The following PSME3 variants were observed in gnomAD, a reference collection of about 807,000 sequenced individuals.
PSME3 encodes the protein proteasome activator complex subunit 3.
A neutral mutation model predicts 38.3 loss-of-function variants in PSME3; 7 were observed. That is an observed-to-expected ratio of 0.18 (90% CI 0.10 to 0.34). The LOEUF (loss-of-function observed/expected upper bound fraction) is 0.34. Ranked by LOEUF, PSME3 falls within the 10% of genes least tolerant of loss-of-function variation. PSME3 has a pLI of 1.00. For missense variants in PSME3, 192 were observed against 307.6 expected (o/e 0.62, Z 2.81); for synonymous variants, 108 against 105.7 (o/e 1.02, Z -0.13).
Position 42,839,324 on chromosome 17 carries a change from G to A in PSME3, c.628G>A (p.Asp210Asn). The A allele has an allele frequency of 6.2e-7, 1 of 1,613,862 alleles. No individual in the cohort carries two copies. Reference sequence around the variant, plus strand: ...CTATCGCCGCACCGTGACAGAGATTGATGAGAAAGAATATATCAGCCTTCG... The same window carrying A: ...CTATCGCCGCACCGTGACAGAGATTAATGAGAAAGAATATATCAGCCTTCG... ...EDYRRTVTEIDEKEYISLRLI... is the reference protein window; with the variant it reads ...EDYRRTVTEINEKEYISLRLI... The change falls in exon 10 of 11, where the codon GAT becomes AAT. Residue 210 changes from aspartate to asparagine, a missense_variant. Asp to Asn is a conservative substitution (Grantham distance 23). Transcript: ENST00000590720.
rs996738869 is a variant in PSME3 at position 42,843,318 on chromosome 17, C to A, written c.*1740C>A. 6.5e-6 allele frequency: 1 copy of A among 152,782 alleles called. No individual in the cohort carries two copies. Among genetic ancestry groups the A allele is most frequent in the Non-Finnish European group, 1.5e-5 (1 of 68,050 alleles). The allele number at this position is 152,782 out of a possible 1,614,324, so 9.5% of individuals were successfully genotyped here. ...ATATGTGTGCACGCTTGGACACCCACCTCCATGGACACCTAGCCACCCTGT... is the reference window on the plus strand; with the variant it reads ...ATATGTGTGCACGCTTGGACACCCAACTCCATGGACACCTAGCCACCCTGT... On this transcript the variant is annotated 3_prime_UTR_variant, in exon 11 of 11. Coordinates refer to ENST00000590720, the MANE Select transcript of PSME3 (RefSeq NM_005789.4).
chr17:42,833,860 A>G, intron 1 of PSME3, 187 bp downstream of exon 1: 1 of 1,495,642 alleles, frequency 6.7e-7, no homozygotes, highest in Non-Finnish European at 8.9e-7. Context: ...GGCTTTCTGT[A>G]CCGCGTCTGA....
At chr17:42,833,846 G>C in intron 1 of PSME3, 173 bp downstream of exon 1, 1 of 1,521,980 alleles carries the variant, frequency 6.6e-7, no homozygotes, top group South Asian at 1.2e-5. Flanking sequence ...GGAAAATATA[G>C]GATGGCTTTC....
At chr17:42,837,818 A>G (rs181638928) in intron 5 of PSME3, 121 bp downstream of exon 5, 2 of 1,171,684 alleles carry the variant, frequency 1.7e-6, no homozygotes, top group Non-Finnish European at 2.5e-6. Flanking sequence ...TCCCAGAGGT[A>G]GCATTCCCAG....
intron 4 of PSME3, among the ~76,000 whole-genome samples, chr17:42,835,783 A>G (rs1414222059): frequency 6.6e-6 from 1 of 152,020 alleles, no homozygotes; most frequent in Admixed American, 6.5e-5. Flanking sequence ...ATGGCTCTGA[A>G]CAAGACTTTG....
At chr17:42,836,019 TC>T (rs1448172615) in intron 4 of PSME3, among the ~76,000 whole-genome samples, 6 of 149,850 alleles carry the variant, frequency 4.0e-5, no homozygotes, top group African/African-American at 4.9e-5. Flanking sequence ...TTTTTTTTTT[TC>T]CTTGAGACAG....
rs542157635 is a variant in PSME3, at chr17:42,840,166, G to A, written c.684+786G>A. On this transcript the variant is annotated intron_variant, in intron 10 of 10. Coordinates refer to ENST00000590720, the MANE Select transcript of PSME3 (RefSeq NM_005789.4). The stretch of plus-strand genomic sequence containing the variant: ...GGCGTGGCGGCACATGCCTTTAATC[G>A]TAGCTACTGAGGAGGCTGAGGCGGG... 1.4e-3 allele frequency among the ~76,000 whole-genome samples: 210 copies of A among 148,496 alleles called. 2 individuals carry two copies. Among genetic ancestry groups the A allele is most frequent in the Non-Finnish European group, 2.4e-3 (165 of 67,396 alleles).
chr17:42,842,924 A>G lies in PSME3; in HGVS notation c.*1346A>G, dbSNP rs2055552377. 6.5e-6 allele frequency: 1 copy of G among 152,682 alleles called. No individual in the cohort carries two copies. The highest frequency in any genetic ancestry group is 1.5e-5 in the Non-Finnish European group (1 of 68,018). 9.5% of individuals were successfully genotyped at this position (152,682 alleles called of 1,614,324 possible). A position where few individuals can be genotyped will look rare whatever the true frequency, so the allele number is the denominator to read the frequency against. On this transcript the variant is annotated 3_prime_UTR_variant, in exon 11 of 11. Coordinates refer to ENST00000590720, the MANE Select transcript of PSME3 (RefSeq NM_005789.4). ...TCCTGTCTCTGTCTTCCAACCCCCA[A>G]TAATATTTCCACCGGGGATGCATCA...
intron 6 of PSME3, 79 bp from the exon 7 acceptor site, chr17:42,838,652 C>T: frequency 7.4e-7 from 1 of 1,347,636 alleles, no homozygotes; most frequent in Non-Finnish European, 1.1e-6. Context: ...TTCCTGGCAT[C>T]TGGCTCCAGC....
rs987642530 is a variant in PSME3 at position 42,841,783 on chromosome 17, T to G, written c.*205T>G. 10 of 432,698 alleles carry G rather than the reference T, an allele frequency of 2.3e-5. No homozygotes were observed. Among genetic ancestry groups the G allele is most frequent in the African/African-American group, 2.0e-4 (10 of 48,878 alleles). 26.8% of individuals were successfully genotyped at this position (432,698 alleles called of 1,614,324 possible). A position where few individuals can be genotyped will look rare whatever the true frequency, so the allele number is the denominator to read the frequency against. On this transcript the variant is annotated 3_prime_UTR_variant, in exon 11 of 11. Coordinates refer to ENST00000590720, the MANE Select transcript of PSME3 (RefSeq NM_005789.4). ...GGCCTCAGGAACTCTTCTATTTCCTTCCCTAATACCCCACACCCAACCTGT... is the reference window on the plus strand; with the variant it reads ...GGCCTCAGGAACTCTTCTATTTCCTGCCCTAATACCCCACACCCAACCTGT...
chr17:42,838,875 C>G (rs2055496205), intron 7 of PSME3, 70 bp from the exon 8 acceptor site: 2 of 1,597,788 alleles, frequency 1.3e-6, no homozygotes, highest in South Asian at 1.1e-5. Flanking sequence ...CCTTTTTTTC[C>G]TTTTTCTTTG....
chr17:42,834,780 C>A lies in PSME3; in HGVS notation c.147C>A (p.Ile49=). ...GGGTGGGTGTCTTTCAGGAACCAAT[C>A]TTAAACATCCATGACCTAACTCAGA... ...LELDSFLKEP[I]LNIHDLTQIH... The change falls in exon 4 of 11, where the codon ATC becomes ATA. Residue 49 remains isoleucine (I), a synonymous_variant. Transcript: ENST00000590720. 6.2e-7 allele frequency: 1 copy of A among 1,614,044 alleles called. No homozygotes were observed. The highest frequency in any genetic ancestry group is 2.2e-5 in the East Asian group (1 of 44,874).
chr17:42,840,729 A>G (rs1597956608), intron 10 of PSME3, among the ~76,000 whole-genome samples: 3 of 152,326 alleles, frequency 2.0e-5, no homozygotes, highest in South Asian at 4.1e-4. Flanking sequence ...TGCACAATAC[A>G]TGTTAGTTGT....
Position 42,842,410 on chromosome 17 carries a change from G to T in PSME3, c.*832G>T. ...GCCTCTTGGTACCCAGGGTGAGTTG[G>T]TGGAGAACAGAGAGATGAGAAGCAG... is the stretch of plus-strand genomic sequence containing the variant. On this transcript the variant is annotated 3_prime_UTR_variant, in exon 11 of 11. Transcript: ENST00000590720. 1 of 152,960 alleles carries T rather than the reference G, an allele frequency of 6.5e-6. No individual in the cohort carries two copies. The highest frequency in any genetic ancestry group is 1.5e-5 in the Non-Finnish European group (1 of 68,064). The allele number at this position is 152,960 out of a possible 1,614,324, so 9.5% of individuals were successfully genotyped here. A position where few individuals can be genotyped will look rare whatever the true frequency, so the allele number is the denominator to read the frequency against.
In PSME3 at chr17:42,839,029, T is replaced by G; in HGVS notation, c.542+17T>G. On this transcript the variant is annotated intron_variant, in intron 8 of 10. Transcript: ENST00000590720. ...GATTTCTAGGTAGGGCTGCTTGGGC[T>G]TGGCCGAGGCGTTGGGGGCTGATGA... The G allele has an allele frequency of 6.2e-7, 1 of 1,613,882 alleles. No individual in the cohort carries two copies. The highest frequency in any genetic ancestry group is 8.5e-7 in the Non-Finnish European group (1 of 1,179,748).
At chr17:42,834,922 C>T in intron 4 of PSME3, 46 bp downstream of exon 4, 1 of 1,608,354 alleles carries the variant, frequency 6.2e-7, no homozygotes, top group Non-Finnish European at 8.5e-7. Flanking sequence ...AGTAGGTCCT[C>T]TGTCCTCTGT....
rs528950077 is a variant in PSME3, at chr17:42,834,588, C to T, written c.138+11C>T. On this transcript the variant is annotated intron_variant, in intron 3 of 10. Coordinates refer to ENST00000590720, the MANE Select transcript of PSME3 (RefSeq NM_005789.4). ...GATAGTTTTCTGAAGGTGAGAGACC[C>T]TATTCTTTCCTCAAATTCCCCAATT... The T allele has an allele frequency of 5.0e-6, 8 of 1,613,208 alleles. No homozygotes were observed. The East Asian group carries it at 6.7e-5, about 13-fold the overall frequency.
Position 42,843,457 on chromosome 17 carries a change from G to A in PSME3, c.*1879G>A, listed in dbSNP as rs139296430. 979 of 152,356 alleles carry A rather than the reference G, an allele frequency of 6.4e-3. 1 individual carries two copies. Among genetic ancestry groups the A allele is most frequent in the Non-Finnish European group, 9.5e-3 (649 of 68,018 alleles). The allele number at this position is 152,356 out of a possible 1,614,324, so 9.4% of individuals were successfully genotyped here. The stretch of plus-strand genomic sequence containing the variant: ...TCATTTGTGTTCAGTCTGAATTATG[G>A]GAAAGTTAGCTCTTCCCAGACCTAA... On this transcript the variant is annotated 3_prime_UTR_variant, in exon 11 of 11. Transcript: ENST00000590720.
chr17:42,840,154 A>G (rs1485066648), intron 10 of PSME3, among the ~76,000 whole-genome samples: 1 of 150,614 alleles, frequency 6.6e-6, no homozygotes, highest in Non-Finnish European at 1.5e-5. Flanking sequence ...GTGGCGGCAC[A>G]TGCCTTTAAT....
Sources: allele counts gnomAD v4.1 joint callset (sites outside exome capture counted in the v4.1 genomes callset), GRCh38; gene constraint gnomAD v4.1.1; transcripts MANE v1.5; gene names NCBI Gene and HGNC (gene_info 2026-07-23, HGNC 2026-07-21).